Variants in WWC1 observed in about 807,000 individuals in gnomAD.
The protein encoded by WWC1 is protein KIBRA.
WWC1 carries 55 observed loss-of-function variants against 138.4 expected under a neutral mutation model. The observed-to-expected ratio is 0.40, with a 90% CI of 0.32 to 0.50. WWC1 has a LOEUF of 0.50. WWC1 is among the 20% of genes least tolerant of loss of function. The pLI, the probability that WWC1 is intolerant of heterozygous loss-of-function variation, is 0.72. For missense variants in WWC1, 1,226 were observed against 1,420.4 expected (o/e 0.86, Z 2.20); for synonymous variants, 524 against 564.9 (o/e 0.93, Z 1.03).
At chr5:168,396,721 T>G (rs1175406683) in intron 3 of WWC1, among the ~76,000 whole-genome samples, 1 of 152,250 alleles carries the variant, frequency 6.6e-6, no homozygotes, top group Non-Finnish European at 1.5e-5. Context: ...TTCCTTAGTT[T>G]AAATGTATTT....
intron 15 of WWC1, among the ~76,000 whole-genome samples, chr5:168,438,796 A>G (rs1221619695): frequency 3.5e-5 from 5 of 141,880 alleles, no homozygotes; most frequent in South Asian, 4.4e-4. Context: ...GCTGTAGGGG[A>G]AAAAAAAAAC....
chr5:168,366,203 G>A (rs1254369858), intron 1 of WWC1, among the ~76,000 whole-genome samples: 6 of 152,230 alleles, frequency 3.9e-5, no homozygotes, highest in Admixed American at 3.9e-4. Context: ...ATGTGTGAGT[G>A]TGTCTGTTTA....
intron 10 of WWC1, among the ~76,000 whole-genome samples, chr5:168,423,181 G>A (rs1293140238): frequency 7.1e-6 from 1 of 141,514 alleles, no homozygotes; most frequent in East Asian, 2.2e-4. Context: ...AACACAGTGA[G>A]TTGATTTCAA....
intron 1 of WWC1, among the ~76,000 whole-genome samples, chr5:168,325,155 C>T (rs1054757829): frequency 2.0e-5 from 3 of 152,212 alleles, no homozygotes; most frequent in Non-Finnish European, 4.4e-5. Flanking sequence ...ATTGAGACCA[C>T]GTGTGTCCTC....
intron 9 of WWC1, among the ~76,000 whole-genome samples, chr5:168,417,866 C>T (rs562938055): frequency 6.6e-6 from 1 of 152,194 alleles, no homozygotes; most frequent in Non-Finnish European, 1.5e-5. Flanking sequence ...GTACCATGCT[C>T]ATGGCTGTGG....
At chr5:168,297,604 C>T (rs1234123080) in intron 1 of WWC1, among the ~76,000 whole-genome samples, 1 of 110,712 alleles carries the variant, frequency 9.0e-6, no homozygotes, top group South Asian at 2.9e-4. Context: ...CCATCCTGGG[C>T]AACAAGAGCG....
At chr5:168,436,304 C>G (rs1427136923) in intron 15 of WWC1, among the ~76,000 whole-genome samples, 1 of 152,158 alleles carries the variant, frequency 6.6e-6, no homozygotes, top group Non-Finnish European at 1.5e-5. Context: ...CTTGCTTGGC[C>G]TCCTGGTTAC....
intron 1 of WWC1, among the ~76,000 whole-genome samples, chr5:168,334,054 G>GAAAAA (rs70976475): frequency 6.7e-5 from 3 of 44,500 alleles, no homozygotes; most frequent in African/African-American, 8.2e-5. Flanking sequence ...CATCCCTACT[G>GAAAAA]AAAAAAAAAA....
chr5:168,448,879 A>C (rs1211318192), intron 17 of WWC1, among the ~76,000 whole-genome samples: 1 of 152,108 alleles, frequency 6.6e-6, no homozygotes, highest in African/African-American at 2.4e-5. Flanking sequence ...TCCACCTCCC[A>C]AAGTGCTGGG....
intron 1 of WWC1, among the ~76,000 whole-genome samples, chr5:168,359,329 G>C (rs746011318): frequency 1.1e-4 from 17 of 152,156 alleles, no homozygotes; most frequent in Non-Finnish European, 2.2e-4. Context: ...GCTGGGATTA[G>C]AGGCGTGAGC....
intron 1 of WWC1, among the ~76,000 whole-genome samples, chr5:168,346,149 T>G (rs972113721): frequency 6.6e-6 from 1 of 152,030 alleles, no homozygotes; most frequent in African/African-American, 2.4e-5. Context: ...CCACCGAGAT[T>G]AATCGGGTAC....
In WWC1 at chr5:168,342,874, C is replaced by T. The variant is rs191050759; in HGVS notation, c.120-28550C>T. Reference sequence around the variant, plus strand: ...GAGAGCACAGTGGGGGCCCCTCAAGCTGTTCCACACTCTGGGCAGTAGGGT... The same window carrying T: ...GAGAGCACAGTGGGGGCCCCTCAAGTTGTTCCACACTCTGGGCAGTAGGGT... On this transcript the variant is annotated intron_variant, in intron 1 of 22. Coordinates refer to ENST00000265293, the MANE Select transcript of WWC1 (RefSeq NM_015238.3). Among the ~76,000 whole-genome samples, 301 of 152,290 alleles carry T rather than the reference C, an allele frequency of 2.0e-3. 4 individuals carry two copies. The highest frequency in any genetic ancestry group is 7.0e-3 in the African/African-American group (290 of 41,550).
At chr5:168,352,645 A>T in intron 1 of WWC1, among the ~76,000 whole-genome samples, 1 of 151,200 alleles carries the variant, frequency 6.6e-6, no homozygotes, top group Non-Finnish European at 1.5e-5. Flanking sequence ...GTGCAGTAGC[A>T]TGATCTCGGC....
chr5:168,459,837 C>T (rs1269460093), intron 19 of WWC1, among the ~76,000 whole-genome samples: 1 of 152,130 alleles, frequency 6.6e-6, no homozygotes, highest in African/African-American at 2.4e-5. Flanking sequence ...ACAACCCCAC[C>T]GATTTTGGAA....
chr5:168,306,874 G>C (rs1179691089), intron 1 of WWC1, among the ~76,000 whole-genome samples: 1 of 152,258 alleles, frequency 6.6e-6, no homozygotes, highest in African/African-American at 2.4e-5. Flanking sequence ...TGGGATTATA[G>C]GCGTAAGCCA....
chr5:168,460,817 C>T lies in WWC1; in HGVS notation c.2916+75C>T, dbSNP rs1033558107. 59 of 1,446,262 alleles carry T rather than the reference C, an allele frequency of 4.1e-5. No homozygotes were observed. The East Asian group carries it at 5.6e-4, about 14-fold the overall frequency. The allele number at this position is 1,446,262 out of a possible 1,614,324, so 89.6% of individuals were successfully genotyped here. ...CCCCAAGCCCTGTGTCCTGCACACACATCTCCTAATGTCTGGCCATTTCTC... is the reference window on the plus strand; with the variant it reads ...CCCCAAGCCCTGTGTCCTGCACACATATCTCCTAATGTCTGGCCATTTCTC... On this transcript the variant is annotated intron_variant, in intron 20 of 22. Transcript: ENST00000265293.
intron 19 of WWC1, among the ~76,000 whole-genome samples, chr5:168,455,933 T>G (rs375973954): frequency 1.3e-5 from 2 of 151,928 alleles, no homozygotes; most frequent in African/African-American, 2.4e-5. Context: ...GTTTGTTTTG[T>G]TTTTTTTAAT....
chr5:168,431,151 C>A lies in WWC1; in HGVS notation c.2088-101C>A. 3.8e-6 allele frequency: 4 copies of A among 1,040,294 alleles called. 1 individual carries two copies. The highest frequency in any genetic ancestry group is 5.7e-6 in the Non-Finnish European group (4 of 705,012). The allele number at this position is 1,040,294 out of a possible 1,614,324, so 64.4% of individuals were successfully genotyped here. ...ATTCCTCACTTCTACAAACTCTCAT[C>A]CACTGTTGTTTGCTTAGGGATTTCA... On this transcript the variant is annotated intron_variant, in intron 14 of 22. Coordinates refer to ENST00000265293, the MANE Select transcript of WWC1 (RefSeq NM_015238.3).
chr5:168,358,515 C>T (rs1368876748), intron 1 of WWC1, among the ~76,000 whole-genome samples: 2 of 152,194 alleles, frequency 1.3e-5, no homozygotes, highest in East Asian at 1.9e-4. Context: ...AAGGTGCCCA[C>T]AGCCACTCAG....
Sources: gnomAD v4.1 joint callset for allele counts (sites outside exome capture counted in the v4.1 genomes callset) on GRCh38, gnomAD v4.1.1 for gene constraint, MANE v1.5 for transcripts, NCBI Gene and HGNC (gene_info 2026-07-23, HGNC 2026-07-21) for gene names.